Variants in BCL11B observed in about 807,000 individuals in gnomAD.
BCL11B encodes the protein BCL11 transcription factor B, also known as B-cell lymphoma/leukemia 11B.
Under a neutral mutation model 49.9 loss-of-function variants are expected in BCL11B, and 8 were observed. That is an observed-to-expected ratio of 0.16 (90% CI 0.09 to 0.29). The LOEUF (loss-of-function observed/expected upper bound fraction) is 0.29. BCL11B is among the 10% of genes least tolerant of loss of function. The pLI is 1.00. For synonymous variants in BCL11B, 739 were observed against 637.4 expected (o/e 1.16, Z -2.40); for missense variants, 1,006 against 1,351.0 (o/e 0.74, Z 4.00).
chr14:99,187,775 G>GCATT (rs1886899127), intron 3 of BCL11B, among the ~76,000 whole-genome samples: 1 of 37,444 alleles, frequency 2.7e-5, no homozygotes, highest in Non-Finnish European at 8.1e-5. Flanking sequence ...CCCCATGCAG[G>GCATT]CCTTCCTCCT....
chr14:99,244,655 C>T (rs1336754931), intron 2 of BCL11B, among the ~76,000 whole-genome samples: 2 of 152,150 alleles, frequency 1.3e-5, no homozygotes, highest in African/African-American at 2.4e-5. Flanking sequence ...CTTTGAGCTC[C>T]CAAGTGTTGA....
chr14:99,196,573 C>T (rs1258773363), intron 3 of BCL11B, among the ~76,000 whole-genome samples: 1 of 152,210 alleles, frequency 6.6e-6, no homozygotes, highest in Non-Finnish European at 1.5e-5. Context: ...CACTTTGCAG[C>T]GGCTCATGTG....
chr14:99,267,551 C>G (rs1263161187), intron 1 of BCL11B, among the ~76,000 whole-genome samples: 2 of 149,604 alleles, frequency 1.3e-5, no homozygotes, highest in African/African-American at 5.0e-5. Flanking sequence ...TTCACCCCCC[C>G]CCCACCAACT....
At chr14:99,216,137 A>C (rs956392892) in intron 3 of BCL11B, among the ~76,000 whole-genome samples, 3 of 152,254 alleles carry the variant, frequency 2.0e-5, no homozygotes, top group Admixed American at 6.5e-5. Flanking sequence ...ACAATGTAAC[A>C]GAGAAAGACT....
intron 3 of BCL11B, among the ~76,000 whole-genome samples, chr14:99,206,705 T>C (rs1313312306): frequency 6.6e-6 from 1 of 152,262 alleles, no homozygotes; most frequent in Non-Finnish European, 1.5e-5. Context: ...CTGTTCTATT[T>C]CATTATTAAT....
rs1167634722 is a variant in BCL11B at position 99,172,698 on chromosome 14, G to A, written c.*1453C>T. 2.3e-5 allele frequency: 5 copies of A among 216,496 alleles called. No homozygotes were observed. The highest frequency in any genetic ancestry group is 4.7e-5 in the Non-Finnish European group (5 of 107,296). 13.4% of individuals were successfully genotyped at this position (216,496 alleles called of 1,614,324 possible). A position where few individuals can be genotyped will look rare whatever the true frequency, so the allele number is the denominator to read the frequency against. ...GTCCCTTACAGTTTAACCCACCTCT[G>A]GGCCAAAGAGAAGAATATGCTGCAA... On this transcript the variant is annotated 3_prime_UTR_variant, in exon 4 of 4. Transcript: ENST00000357195.
At chr14:99,177,472 G>T (rs1219580118) in intron 3 of BCL11B, among the ~76,000 whole-genome samples, 1 of 151,306 alleles carries the variant, frequency 6.6e-6, no homozygotes, top group Non-Finnish European at 1.5e-5. Flanking sequence ...CGCTTTTCCA[G>T]TATGTACCTC....
chr14:99,225,081 G>T (rs1232787669), intron 3 of BCL11B, among the ~76,000 whole-genome samples: 1 of 152,148 alleles, frequency 6.6e-6, no homozygotes, highest in East Asian at 1.9e-4. Flanking sequence ...CAATCTCATT[G>T]CAGGGTTCAC....
chr14:99,246,032 C>G (rs17095099), intron 2 of BCL11B, among the ~76,000 whole-genome samples: 5,041 of 152,210 alleles, frequency 0.033, 390 homozygotes, highest in East Asian at 0.3. Flanking sequence ...CTTCAGGAGC[C>G]GGTCCCGAGG....
intron 2 of BCL11B, among the ~76,000 whole-genome samples, chr14:99,246,743 G>T (rs758765882): frequency 6.6e-6 from 1 of 152,066 alleles, no homozygotes; most frequent in Non-Finnish European, 1.5e-5. Context: ...CGGGCAGGGC[G>T]GGGGAGGCTG....
chr14:99,216,539 C>A (rs935782435), intron 3 of BCL11B, among the ~76,000 whole-genome samples: 11 of 152,168 alleles, frequency 7.2e-5, no homozygotes, highest in African/African-American at 2.4e-4. Context: ...CTGTGGGCTC[C>A]CTCTGAGATT....
At chr14:99,179,194 C>G (rs1886625677) in intron 3 of BCL11B, among the ~76,000 whole-genome samples, 1 of 152,160 alleles carries the variant, frequency 6.6e-6, no homozygotes, top group Non-Finnish European at 1.5e-5. Context: ...ATGCTTCTGG[C>G]TGGGCACGGT....
chr14:99,227,143 G>T (rs1048340946), intron 3 of BCL11B, among the ~76,000 whole-genome samples: 1 of 152,134 alleles, frequency 6.6e-6, no homozygotes, highest in African/African-American at 2.4e-5. Flanking sequence ...CCCAAAGCTG[G>T]TACATGATCT....
intron 3 of BCL11B, among the ~76,000 whole-genome samples, chr14:99,219,107 T>A (rs1887937893): frequency 6.6e-6 from 1 of 151,926 alleles, no homozygotes; most frequent in Admixed American, 6.6e-5. Context: ...AGTGGCACGA[T>A]CTCGGCTCAT....
At chr14:99,201,169 G>T (rs1887371324) in intron 3 of BCL11B, among the ~76,000 whole-genome samples, 1 of 152,190 alleles carries the variant, frequency 6.6e-6, no homozygotes. Context: ...TTCTACAGAG[G>T]AAAACGCAAC....
At chr14:99,271,027 A>G (rs1889660582) in intron 1 of BCL11B, 134 bp downstream of exon 1, 1 of 920,296 alleles carries the variant, frequency 1.1e-6, no homozygotes, top group South Asian at 2.1e-5. Context: ...CTCCAGGCCG[A>G]CGCCGTAGAC....
chr14:99,207,036 A>G (rs537890295), intron 3 of BCL11B, among the ~76,000 whole-genome samples: 1 of 152,326 alleles, frequency 6.6e-6, no homozygotes, highest in South Asian at 2.1e-4. Context: ...CTGAACTATT[A>G]CTTTCTTTCA....
In BCL11B at chr14:99,184,944, C is replaced by A. The variant is rs899432994; in HGVS notation, c.641-8749G>T. 2.6e-5 allele frequency among the ~76,000 whole-genome samples: 4 copies of A among 152,114 alleles called. No homozygotes were observed. Among genetic ancestry groups the A allele is most frequent in the African/African-American group, 9.7e-5 (4 of 41,410 alleles). On this transcript the variant is annotated intron_variant, in intron 3 of 3. Transcript: ENST00000357195. This position sits in a 1 kb window ranked among gnomAD's most constrained non-coding sequence, Gnocchi z 6.1. ...AAACCTTAGGAAGCTGGGCCTACAC[C>A]CCTCAAACAAAGAGCCCCAGCATTC...
At chr14:99,268,891 C>T (rs1481671156) in intron 1 of BCL11B, among the ~76,000 whole-genome samples, 4 of 152,132 alleles carry the variant, frequency 2.6e-5, no homozygotes, top group Non-Finnish European at 4.4e-5. Context: ...TGGCTTTCCC[C>T]AGCGTGGCTC....
Sources: gnomAD v4.1 joint callset for allele counts (sites outside exome capture counted in the v4.1 genomes callset) on GRCh38, gnomAD v4.1.1 for gene constraint, Gnocchi (gnomAD v3.1) non-coding constraint, MANE v1.5 for transcripts, NCBI Gene and HGNC (gene_info 2026-07-23, HGNC 2026-07-21) for gene names.